Variants in ADGRL3 observed in about 807,000 individuals in gnomAD.
The protein encoded by ADGRL3 is calcium-independent alpha-latrotoxin receptor 3.
ADGRL3 carries 62 observed loss-of-function variants against 153.5 expected under a neutral mutation model. The ratio of observed to expected loss-of-function variants is 0.40; its 90% CI spans 0.33 to 0.50. ADGRL3 has a LOEUF of 0.50. Among genes scored for constraint, ADGRL3 ranks in the 20% least tolerant of loss-of-function variants. ADGRL3 has a pLI of 0.47. For missense variants in ADGRL3, 1,641 were observed against 1,859.4 expected, an observed-to-expected ratio of 0.88 and a Z score of 2.16; for synonymous variants, 710 against 672.5, an observed-to-expected ratio of 1.06 and a Z score of -0.86.
chr4:61,767,816 T>C (rs2097017465), intron 8 of ADGRL3, among the ~76,000 whole-genome samples: 1 of 152,078 alleles, frequency 6.6e-6, no homozygotes, highest in Admixed American at 6.5e-5. Flanking sequence ...CGTTTGGAAG[T>C]TCTTGTGTGC....
chr4:61,893,487 A>G (rs1041251533), intron 10 of ADGRL3, among the ~76,000 whole-genome samples: 1 of 152,110 alleles, frequency 6.6e-6, no homozygotes, highest in African/African-American at 2.4e-5. Context: ...GAGGACTTCT[A>G]TATTAGAAGA....
At chr4:61,905,570 C>T (rs1450891203) in intron 11 of ADGRL3, among the ~76,000 whole-genome samples, 1 of 152,032 alleles carries the variant, frequency 6.6e-6, no homozygotes, top group Non-Finnish European at 1.5e-5. Flanking sequence ...ATTTATTATA[C>T]TCAGTCCTGA....
intron 1 of ADGRL3, among the ~76,000 whole-genome samples, chr4:61,305,808 A>G (rs535840032): frequency 1.9e-4 from 29 of 152,286 alleles, no homozygotes; most frequent in Non-Finnish European, 7.3e-5. Flanking sequence ...AACCGTAGAT[A>G]TAAGGCATCT....
Position 61,975,786 on chromosome 4 carries a change from G to C in ADGRL3, c.2806-3777G>C, listed in dbSNP as rs115577332. Reference sequence around the variant, plus strand: ...TTTCCTGATGGATTAAATGTAGTGCGTGAAGGAAATAGAGGAGTCAATATA... The same window carrying C: ...TTTCCTGATGGATTAAATGTAGTGCCTGAAGGAAATAGAGGAGTCAATATA... On this transcript the variant is annotated intron_variant, in intron 17 of 26. Transcript: ENST00000683033. 9.3e-3 allele frequency among the ~76,000 whole-genome samples: 1,415 copies of C among 152,194 alleles called. 30 individuals carry two copies. Among genetic ancestry groups the C allele is most frequent in the African/African-American group, 0.032 (1,327 of 41,512 alleles).
At chr4:62,065,709 A>C (rs1742618377) in intron 25 of ADGRL3, among the ~76,000 whole-genome samples, 1 of 152,010 alleles carries the variant, frequency 6.6e-6, no homozygotes, top group South Asian at 2.1e-4. Context: ...AATATAATGA[A>C]AAAGTAAAAC....
At chr4:61,645,707 C>T (rs1424547470) in intron 5 of ADGRL3, among the ~76,000 whole-genome samples, 2 of 151,894 alleles carry the variant, frequency 1.3e-5, no homozygotes, top group Admixed American at 1.3e-4. Flanking sequence ...TTCTCTCTGG[C>T]TGCCCTTAAC....
chr4:61,565,485 T>A (rs1560851296), intron 4 of ADGRL3, among the ~76,000 whole-genome samples: 1 of 152,140 alleles, frequency 6.6e-6, no homozygotes, highest in East Asian at 1.9e-4. Context: ...TCAGTGGGAC[T>A]TGGATATATC....
At chr4:61,385,032 G>A (rs1286981013) in intron 2 of ADGRL3, among the ~76,000 whole-genome samples, 2 of 152,000 alleles carry the variant, frequency 1.3e-5, no homozygotes, top group Admixed American at 1.3e-4. Flanking sequence ...ACAGTGAATT[G>A]TATACTTTGA....
At position 61,423,236 on chromosome 4, in the gene ADGRL3, G is replaced by T. The variant is rs190987358; in HGVS notation, c.-174+40047G>T. 3.3e-5 allele frequency among the ~76,000 whole-genome samples: 5 copies of T among 152,186 alleles called. No individual in the cohort carries two copies. The East Asian group carries it at 9.7e-4, about 29-fold the overall frequency. On this transcript the variant is annotated intron_variant, in intron 2 of 26. Coordinates refer to ENST00000683033, the MANE Select transcript of ADGRL3 (RefSeq NM_001387552.1). ...GAAAGGGATGTTGAAGTTGAGAGTC[G>T]ACTACCCAAATGAAACAACCAGAAA...
intron 25 of ADGRL3, among the ~76,000 whole-genome samples, chr4:62,045,357 G>A (rs553164293): frequency 6.6e-6 from 1 of 152,108 alleles, no homozygotes; most frequent in East Asian, 1.9e-4. Flanking sequence ...ACTACAGTCA[G>A]CAATGGGAAA....
chr4:61,750,619 G>A (rs370045867), intron 8 of ADGRL3, among the ~76,000 whole-genome samples: 38 of 151,954 alleles, frequency 2.5e-4, no homozygotes, highest in African/African-American at 8.9e-4. Flanking sequence ...GTGAAACCCC[G>A]TCTCTACTAA....
intron 4 of ADGRL3, among the ~76,000 whole-genome samples, chr4:61,531,344 A>T (rs1038648780): frequency 2.6e-5 from 4 of 152,098 alleles, no homozygotes; most frequent in African/African-American, 9.7e-5. Flanking sequence ...TAAAGTTCAC[A>T]TTTCAGTTGT....
intron 9 of ADGRL3, among the ~76,000 whole-genome samples, chr4:61,883,596 G>T (rs1242515969): frequency 6.6e-6 from 1 of 152,008 alleles, no homozygotes; most frequent in East Asian, 1.9e-4. Flanking sequence ...AGGTTACATC[G>T]CTTTTAAATG....
rs549601199 is a variant in ADGRL3 at position 61,357,070 on chromosome 4, C to T, written c.-239-26054C>T. Among the ~76,000 whole-genome samples the T allele has an allele frequency of 8.6e-5, 13 of 151,922 alleles. No individual in the cohort carries two copies. The East Asian group carries it at 2.1e-3, about 25-fold the overall frequency. ...AAGTGTCATTAATTTTAAATTCTGC[C>T]CGCACATACTCAGTTCATTAGCATT... is the stretch of plus-strand genomic sequence containing the variant. On this transcript the variant is annotated intron_variant, in intron 1 of 26. Coordinates refer to ENST00000683033, the MANE Select transcript of ADGRL3 (RefSeq NM_001387552.1).
chr4:61,444,109 C>T (rs1021342180), intron 2 of ADGRL3, among the ~76,000 whole-genome samples: 13 of 152,178 alleles, frequency 8.5e-5, no homozygotes, highest in African/African-American at 3.1e-4. Context: ...CAAATCCATT[C>T]TATGCATTAA....
chr4:61,593,532 A>T (rs994678625), intron 5 of ADGRL3, among the ~76,000 whole-genome samples: 1 of 152,028 alleles, frequency 6.6e-6, no homozygotes, highest in Non-Finnish European at 1.5e-5. Context: ...TTTCTCCTTC[A>T]TGCTTAAAGG....
At chr4:61,320,212 T>C (rs762542827) in intron 1 of ADGRL3, among the ~76,000 whole-genome samples, 103 of 152,196 alleles carry the variant, frequency 6.8e-4, no homozygotes, top group Non-Finnish European at 1.2e-3. Context: ...TTGTTTAAGC[T>C]ACCTAATCTG....
chr4:61,204,087 G>A (rs1249849236), intron 1 of ADGRL3, among the ~76,000 whole-genome samples: 1 of 152,048 alleles, frequency 6.6e-6, no homozygotes, highest in Non-Finnish European at 1.5e-5. Context: ...AAATACTTGT[G>A]CTCTATTTTG....
chr4:61,976,745 C>G (rs2099049519), intron 17 of ADGRL3, among the ~76,000 whole-genome samples: 1 of 152,100 alleles, frequency 6.6e-6, no homozygotes, highest in Non-Finnish European at 1.5e-5. Context: ...TCTTGCTCCC[C>G]CTTCGCCTTC....
Sources: gnomAD v4.1 joint callset for allele counts (sites outside exome capture counted in the v4.1 genomes callset) on GRCh38, gnomAD v4.1.1 for gene constraint, MANE v1.5 for transcripts, NCBI Gene and HGNC (gene_info 2026-07-23, HGNC 2026-07-21) for gene names.